The following CTNNBIP1 variants were observed in gnomAD, a reference collection of about 807,000 sequenced individuals.
CTNNBIP1 encodes the protein catenin beta interacting protein 1, also known as beta-catenin-interacting protein 1.
A neutral mutation model predicts 11.8 loss-of-function variants in CTNNBIP1; 7 were observed. The observed-to-expected ratio is 0.60, with a 90% CI of 0.34 to 1.12. CTNNBIP1 has a LOEUF of 1.12. Among genes scored for constraint, CTNNBIP1 ranks in the 50% most tolerant of loss-of-function variants. The pLI, the probability that CTNNBIP1 is intolerant of heterozygous loss-of-function variation, is 0.03. For synonymous variants in CTNNBIP1, 58 were observed against 43.9 expected, an observed-to-expected ratio of 1.32 and a Z score of -1.26; for missense variants, 101 against 113.4, an observed-to-expected ratio of 0.89 and a Z score of 0.50.
rs1639256405 is a variant in CTNNBIP1, at chr1:9,889,570, C to A, written c.-143-5832G>T. Among the ~76,000 whole-genome samples, 3 of 152,214 alleles carry A rather than the reference C, an allele frequency of 2.0e-5. No homozygotes were observed. In the South Asian group the frequency reaches 6.2e-4, roughly 32 times the overall value. On this transcript the variant is annotated intron_variant, in intron 1 of 5. Coordinates refer to ENST00000377263, the MANE Select transcript of CTNNBIP1 (RefSeq NM_020248.3). ...CCAAGCCTCACAGATGTTCTCTGCT[C>A]TACAACACCTTCTCTGGGCTGCCTC...
intron 1 of CTNNBIP1, among the ~76,000 whole-genome samples, chr1:9,891,717 G>A (rs978833072): frequency 1.3e-4 from 19 of 150,402 alleles, no homozygotes; most frequent in African/African-American, 3.9e-4. Context: ...TGAGGTAGGA[G>A]AATTGCTTGA....
At chr1:9,906,559 A>G (rs552754691) in intron 1 of CTNNBIP1, among the ~76,000 whole-genome samples, 27 of 148,044 alleles carry the variant, frequency 1.8e-4, no homozygotes, top group Non-Finnish European at 3.3e-4. Context: ...AACTCCATCT[A>G]AAAAAAAAAA....
At chr1:9,894,819 C>A (rs969023089) in intron 1 of CTNNBIP1, among the ~76,000 whole-genome samples, 5 of 151,988 alleles carry the variant, frequency 3.3e-5, no homozygotes, top group Non-Finnish European at 7.4e-5. Context: ...CTGCTCACTG[C>A]AATTTCCGCC....
chr1:9,853,492 G>A (rs1638433555), intron 5 of CTNNBIP1, among the ~76,000 whole-genome samples: 1 of 152,250 alleles, frequency 6.6e-6, no homozygotes, highest in Non-Finnish European at 1.5e-5. Context: ...TTTAGAGCCA[G>A]GAGGGACCTC....
At chr1:9,850,911 C>G (rs892083183) in intron 5 of CTNNBIP1, 135 bp from the exon 6 acceptor site, 4 of 809,602 alleles carry the variant, frequency 4.9e-6, no homozygotes, top group South Asian at 1.4e-5. Context: ...AAAGTACTTC[C>G]GAGGAAGTCT....
chr1:9,857,218 C>T (rs1191863949), intron 5 of CTNNBIP1, among the ~76,000 whole-genome samples: 2 of 152,098 alleles, frequency 1.3e-5, no homozygotes, highest in Admixed American at 6.5e-5. Context: ...CGGTGGCTCA[C>T]GCCTGTAATC....
intron 1 of CTNNBIP1, among the ~76,000 whole-genome samples, chr1:9,902,402 G>A (rs1278811399): frequency 6.6e-6 from 1 of 152,208 alleles, no homozygotes; most frequent in East Asian, 1.9e-4. Flanking sequence ...TGAAACTCAA[G>A]TTAACAGTCA....
At chr1:9,864,000 G>A (rs1031064048) in intron 5 of CTNNBIP1, among the ~76,000 whole-genome samples, 1 of 152,234 alleles carries the variant, frequency 6.6e-6, no homozygotes, top group South Asian at 2.1e-4. Flanking sequence ...AAGGTTCCCA[G>A]TGTAACCCTC....
chr1:9,890,909 G>A (rs1274573713), intron 1 of CTNNBIP1, among the ~76,000 whole-genome samples: 19 of 152,132 alleles, frequency 1.2e-4, no homozygotes, highest in Admixed American at 1.2e-3. Flanking sequence ...TCCAGACCTA[G>A]TAATTCCAGG....
intron 1 of CTNNBIP1, among the ~76,000 whole-genome samples, chr1:9,909,030 A>T (rs1557771168): frequency 6.6e-6 from 1 of 152,234 alleles, no homozygotes; most frequent in Non-Finnish European, 1.5e-5. Flanking sequence ...AGCTGCTGGT[A>T]TCTCTGGACA....
intron 1 of CTNNBIP1, among the ~76,000 whole-genome samples, chr1:9,888,012 C>T (rs973915722): frequency 6.6e-5 from 10 of 151,590 alleles, no homozygotes; most frequent in Admixed American, 2.6e-4. Context: ...TTAGTAAAGA[C>T]GGGGTTTCAC....
chr1:9,904,290 G>A (rs1262322512), intron 1 of CTNNBIP1, among the ~76,000 whole-genome samples: 1 of 151,520 alleles, frequency 6.6e-6, no homozygotes, highest in Non-Finnish European at 1.5e-5. Context: ...ACTTGTGTTG[G>A]TCTCTCCAGG....
intron 2 of CTNNBIP1, among the ~76,000 whole-genome samples, chr1:9,878,379 G>T (rs1437319986): frequency 1.3e-5 from 2 of 152,190 alleles, no homozygotes; most frequent in Non-Finnish European, 2.9e-5. Flanking sequence ...CTGCACAAGA[G>T]AATGCCCCAC....
At chr1:9,863,651 G>A (rs1007589139) in intron 5 of CTNNBIP1, among the ~76,000 whole-genome samples, 1 of 152,198 alleles carries the variant, frequency 6.6e-6, no homozygotes, top group Non-Finnish European at 1.5e-5. Context: ...TGGTGAACAC[G>A]GCACAGACCC....
At chr1:9,900,508 T>C (rs988969521) in intron 1 of CTNNBIP1, among the ~76,000 whole-genome samples, 1 of 152,216 alleles carries the variant, frequency 6.6e-6, no homozygotes, top group Non-Finnish European at 1.5e-5. Context: ...TCACCACTCA[T>C]GGACCTAACA....
intron 1 of CTNNBIP1, among the ~76,000 whole-genome samples, chr1:9,908,370 CTTTTTT>C (rs35640583): frequency 4.1e-5 from 3 of 72,474 alleles, no homozygotes; most frequent in African/African-American, 9.8e-5. Context: ...TCCACAGATT[CTTTTTT>C]TTTTTTTTTT....
intron 1 of CTNNBIP1, 84 bp downstream of exon 1, chr1:9,910,011 C>CA (rs1406121063): frequency 6.7e-6 from 1 of 150,352 alleles, no homozygotes; most frequent in Non-Finnish European, 1.5e-5. Context: ...CCCCGGCAGA[C>CA]AAAGGGCTGG....
At chr1:9,887,567 G>A (rs1311634147) in intron 1 of CTNNBIP1, among the ~76,000 whole-genome samples, 1 of 152,018 alleles carries the variant, frequency 6.6e-6, no homozygotes, top group Non-Finnish European at 1.5e-5. Context: ...GCTGGGCATG[G>A]TGGCACACGC....
At position 9,883,835 on chromosome 1, in the gene CTNNBIP1, G is replaced by C. The variant is rs1639131276; in HGVS notation, c.-143-97C>G. On this transcript the variant is annotated intron_variant, in intron 1 of 5. Coordinates refer to ENST00000377263, the MANE Select transcript of CTNNBIP1 (RefSeq NM_020248.3). This position sits in a 1 kb window ranked among gnomAD's most constrained non-coding sequence, Gnocchi z 5.6. ...CTGAGAGCTGTGCTCAGCCTCAGGT[G>C]AGTCTTAACCTCGGCTTTGCCTCCT... is the stretch of plus-strand genomic sequence containing the variant. 6.5e-6 allele frequency: 1 copy of C among 153,116 alleles called. No homozygotes were observed. The allele number at this position is 153,116 out of a possible 1,614,324, so 9.5% of individuals were successfully genotyped here.
Sources: allele counts gnomAD v4.1 joint callset (sites outside exome capture counted in the v4.1 genomes callset), GRCh38; gene constraint gnomAD v4.1.1; non-coding constraint Gnocchi (gnomAD v3.1); transcripts MANE v1.5; gene names NCBI Gene and HGNC (gene_info 2026-07-23, HGNC 2026-07-21).